The following AQP9 variants were observed in gnomAD, a reference collection of about 807,000 sequenced individuals.
AQP9 encodes aquaporin 9.
In AQP9, 19 loss-of-function variants were observed where a neutral mutation model predicts 23.8. That is an observed-to-expected ratio of 0.80 (90% CI 0.56 to 1.17). The LOEUF is 1.17. Ranked by LOEUF, AQP9 falls within the 50% of genes most tolerant of loss-of-function variation. AQP9 has a pLI of 0.00. For missense variants in AQP9, 413 were observed against 362.0 expected (o/e 1.14, Z -1.14); for synonymous variants, 153 against 131.5 (o/e 1.16, Z -1.12).
In AQP9 at chr15:58,173,254, T is replaced by C. The variant is rs17848105; in HGVS notation, c.376+49T>C. 1,538 of 1,606,472 alleles carry C rather than the reference T, an allele frequency of 9.6e-4. 30 individuals are homozygous for C. The East Asian group carries it at 0.024, about 25-fold the overall frequency. On this transcript the variant is annotated intron_variant, in intron 3 of 5. Coordinates refer to ENST00000219919, the MANE Select transcript of AQP9 (RefSeq NM_020980.5). ...AGGTTAGGAAGAGCTGGGCATAATT[T>C]GAAAGTCAGAATTACTTGGTAGGCA... is the stretch of plus-strand genomic sequence containing the variant.
At chr15:58,166,208 G>A (rs67670862) in intron 1 of AQP9, among the ~76,000 whole-genome samples, 18,549 of 152,104 alleles carry the variant, frequency 0.12, 1,392 homozygotes, top group Non-Finnish European at 0.17. Flanking sequence ...GAAGGCATAA[G>A]CTCTGTTTAA....
chr15:58,139,706 C>G (rs1228536324), intron 1 of AQP9, among the ~76,000 whole-genome samples: 1 of 152,106 alleles, frequency 6.6e-6, no homozygotes, highest in African/African-American at 2.4e-5. Flanking sequence ...GAATGAGAAA[C>G]AAATGTGAAC....
chr15:58,150,875 C>T (rs1376048677), intron 1 of AQP9: 1 of 152,178 alleles, frequency 6.6e-6, no homozygotes, highest in Non-Finnish European at 1.5e-5. Context: ...CAACCTGACA[C>T]TAATAATCAG....
intron 1 of AQP9, among the ~76,000 whole-genome samples, chr15:58,158,892 C>A (rs570855074): frequency 1.3e-5 from 2 of 152,282 alleles, no homozygotes; most frequent in South Asian, 4.1e-4. Context: ...CACTTCACTA[C>A]GGAATTCCTA....
intron 1 of AQP9, chr15:58,147,032 G>A (rs991038987): frequency 3.9e-5 from 6 of 152,262 alleles, no homozygotes; most frequent in Middle Eastern, 3.4e-3. Flanking sequence ...AGGCTCACCT[G>A]GGAAATCTTA....
At chr15:58,153,540 T>C (rs2140597481) in intron 1 of AQP9, 1 of 152,254 alleles carries the variant, frequency 6.6e-6, no homozygotes, top group East Asian at 1.9e-4. Context: ...CTTATAATAG[T>C]CACAATTGGT....
At chr15:58,160,660 G>C (rs1898358744) in intron 1 of AQP9, among the ~76,000 whole-genome samples, 1 of 151,928 alleles carries the variant, frequency 6.6e-6, no homozygotes, top group Non-Finnish European at 1.5e-5. Context: ...CTTCCCTGGT[G>C]GACATTATAG....
intron 4 of AQP9, among the ~76,000 whole-genome samples, chr15:58,176,699 C>G (rs1898764758): frequency 6.6e-6 from 1 of 151,150 alleles, no homozygotes. Context: ...CAACCTCCAC[C>G]TCCCAGGTTC....
intron 1 of AQP9, among the ~76,000 whole-genome samples, chr15:58,157,306 C>A (rs1315665586): frequency 2.6e-5 from 4 of 152,214 alleles, no homozygotes; most frequent in Non-Finnish European, 5.9e-5. Context: ...GTGCTCTGAA[C>A]TGGCACCACT....
chr15:58,163,052 A>G (rs778840910), intron 1 of AQP9, among the ~76,000 whole-genome samples: 1 of 152,214 alleles, frequency 6.6e-6, no homozygotes, highest in Non-Finnish European at 1.5e-5. Context: ...TGAGTCAACT[A>G]GAAGGTGGTG....
intron 1 of AQP9, among the ~76,000 whole-genome samples, chr15:58,141,991 A>T (rs1444495167): frequency 1.3e-5 from 2 of 152,200 alleles, no homozygotes; most frequent in East Asian, 3.9e-4. Context: ...ATGCCCAGGT[A>T]CTGGCAGGAG....
chr15:58,157,649 A>G (rs546243865), intron 1 of AQP9, among the ~76,000 whole-genome samples: 1 of 152,234 alleles, frequency 6.6e-6, no homozygotes, highest in South Asian at 2.1e-4. Flanking sequence ...GATAACCACA[A>G]AATTGGAAGA....
At chr15:58,171,347 A>G (rs531624416) in intron 2 of AQP9, among the ~76,000 whole-genome samples, 1 of 152,176 alleles carries the variant, frequency 6.6e-6, no homozygotes, top group South Asian at 2.1e-4. Flanking sequence ...TCAGCCTCCC[A>G]AAGTGCTGGG....
chr15:58,141,894 A>G (rs1897958341), intron 1 of AQP9, among the ~76,000 whole-genome samples: 1 of 152,216 alleles, frequency 6.6e-6, no homozygotes, highest in Admixed American at 6.5e-5. Flanking sequence ...TTAGAGTGAA[A>G]TCAGAAAGTT....
chr15:58,150,788 C>T (rs1330174902), intron 1 of AQP9: 3 of 152,154 alleles, frequency 2.0e-5, no homozygotes, highest in Non-Finnish European at 4.4e-5. Flanking sequence ...AAAATTCTTC[C>T]TAGTGGTCAC....
intron 2 of AQP9, 26 bp from the exon 3 acceptor site, chr15:58,173,042 C>G (rs763146410): frequency 6.2e-7 from 1 of 1,613,476 alleles, no homozygotes; most frequent in Admixed American, 1.7e-5. Flanking sequence ...AACCTGCCCT[C>G]TCACTTCTCC....
At chr15:58,175,769 A>G (rs1482758126) in intron 4 of AQP9, among the ~76,000 whole-genome samples, 1 of 152,214 alleles carries the variant, frequency 6.6e-6, no homozygotes, top group East Asian at 1.9e-4. Flanking sequence ...ATGTGTATAA[A>G]ATGGATCTTC....
intron 1 of AQP9, among the ~76,000 whole-genome samples, chr15:58,158,517 CT>C (rs1457838170): frequency 2.6e-5 from 4 of 152,174 alleles, no homozygotes; most frequent in Non-Finnish European, 5.9e-5. Context: ...AAGTAAAGCA[CT>C]TAGCATGCAA....
intron 4 of AQP9, among the ~76,000 whole-genome samples, chr15:58,175,378 A>G (rs538267631): frequency 3.9e-5 from 6 of 152,346 alleles, no homozygotes; most frequent in African/African-American, 1.4e-4. Context: ...GGAGGCCACA[A>G]GAGAAGATAT....
Sources: allele counts gnomAD v4.1 joint callset (sites outside exome capture counted in the v4.1 genomes callset), GRCh38; gene constraint gnomAD v4.1.1; transcripts MANE v1.5; gene names NCBI Gene and HGNC (gene_info 2026-07-23, HGNC 2026-07-21).